The following SAMD5 variants were observed in gnomAD, a reference collection of about 807,000 sequenced individuals.
SAMD5 encodes sterile alpha motif domain-containing protein 5.
SAMD5 carries 13 observed loss-of-function variants against 11.3 expected under a neutral mutation model. The ratio of observed to expected loss-of-function variants is 1.15; its 90% confidence interval spans 0.75 to 1.83. The LOEUF is 1.83. Among genes scored for constraint, SAMD5 ranks in the 40% most tolerant of loss-of-function variants. The probability of loss-of-function intolerance (pLI) is 0.00; values close to 1 mark genes in which losing one functional copy is unlikely to be tolerated. For missense variants in SAMD5, 255 were observed against 239.1 expected, an observed-to-expected ratio of 1.07 and a Z score of -0.44; for synonymous variants, 129 against 111.3, an observed-to-expected ratio of 1.16 and a Z score of -1.00.
intron 1 of SAMD5, among the ~76,000 whole-genome samples, chr6:147,542,325 C>A (rs1425565718): frequency 6.6e-6 from 1 of 152,156 alleles, no homozygotes; most frequent in Non-Finnish European, 1.5e-5. Context: ...CCCGGACAAG[C>A]CCCCAAATTT....
intron 1 of SAMD5, among the ~76,000 whole-genome samples, chr6:147,668,202 T>C (rs768129825): frequency 2.6e-5 from 4 of 152,200 alleles, no homozygotes; most frequent in Non-Finnish European, 4.4e-5. Flanking sequence ...TTGCAAACCT[T>C]CTCCTGTGCA....
chr6:147,813,734 T>A, the SAMD5 span, among the ~76,000 whole-genome samples: 2 of 152,220 alleles, frequency 1.3e-5, no homozygotes, highest in Non-Finnish European at 2.9e-5. Context: ...CTTCTTTTGC[T>A]CTAGCCTGTG....
intron 1 of SAMD5, among the ~76,000 whole-genome samples, chr6:147,639,120 A>G (rs1790274001): frequency 6.6e-6 from 1 of 152,218 alleles, no homozygotes; most frequent in Non-Finnish European, 1.5e-5. Context: ...TTGGCAAATG[A>G]AAGTTATTCA....
chr6:147,865,236 ATG>A, the SAMD5 span, among the ~76,000 whole-genome samples: 1 of 150,538 alleles, frequency 6.6e-6, no homozygotes, highest in Non-Finnish European at 1.5e-5. Flanking sequence ...ACAGACTGTG[ATG>A]TGTGTGTGTG....
the SAMD5 span, among the ~76,000 whole-genome samples, chr6:147,917,883 T>A: frequency 7.2e-4 from 109 of 152,176 alleles, 1 homozygote; most frequent in Non-Finnish European, 1.3e-3. Context: ...TGTGGTATTA[T>A]TTCTGAGGGC....
chr6:147,812,368 T>C, the SAMD5 span, among the ~76,000 whole-genome samples: 2 of 151,918 alleles, frequency 1.3e-5, no homozygotes, highest in Non-Finnish European at 2.9e-5. Context: ...TGTGCTTGTG[T>C]GTGGGTGAAT....
chr6:147,659,906 C>T (rs1341403010), intron 1 of SAMD5, among the ~76,000 whole-genome samples: 1 of 152,068 alleles, frequency 6.6e-6, no homozygotes, highest in Non-Finnish European at 1.5e-5. Flanking sequence ...TGGAAAGAAA[C>T]CAGCTTTGTC....
chr6:147,593,317 A>G (rs781004394), intron 1 of SAMD5, among the ~76,000 whole-genome samples: 2 of 152,160 alleles, frequency 1.3e-5, no homozygotes, highest in African/African-American at 2.4e-5. Flanking sequence ...ATACAAGTAA[A>G]TATCCAAGTA....
At chr6:147,558,462 C>T (rs1377780768) in intron 1 of SAMD5, among the ~76,000 whole-genome samples, 1 of 152,134 alleles carries the variant, frequency 6.6e-6, no homozygotes, top group African/African-American at 2.4e-5. Flanking sequence ...ATTCGGAGAA[C>T]CTGAATCACA....
intron 1 of SAMD5, among the ~76,000 whole-genome samples, chr6:147,629,921 A>G (rs967213164): frequency 2.6e-5 from 4 of 151,074 alleles, no homozygotes; most frequent in Non-Finnish European, 5.9e-5. Context: ...GAGTTTTCGA[A>G]GAGTCACGAC....
intron 1 of SAMD5, among the ~76,000 whole-genome samples, chr6:147,606,556 A>T (rs1789704995): frequency 1.5e-5 from 1 of 66,876 alleles, no homozygotes; most frequent in African/African-American, 4.8e-5. Flanking sequence ...TTATTATCTA[A>T]AAAATGACAG....
chr6:147,782,390 G>C, the SAMD5 span, among the ~76,000 whole-genome samples: 1 of 152,132 alleles, frequency 6.6e-6, no homozygotes, highest in Non-Finnish European at 1.5e-5. Flanking sequence ...GCACACAATG[G>C]CAGCTTGACA....
chr6:147,633,318 G>T (rs1033205527), intron 1 of SAMD5, among the ~76,000 whole-genome samples: 1 of 152,028 alleles, frequency 6.6e-6, no homozygotes, highest in Non-Finnish European at 1.5e-5. Flanking sequence ...AGCGGGCACC[G>T]CCTGCCATGT....
intron 1 of SAMD5, among the ~76,000 whole-genome samples, chr6:147,735,936 C>T (rs1397041577): frequency 6.6e-6 from 1 of 152,196 alleles, no homozygotes. Context: ...TCAGTGCAAC[C>T]TTGAGCATCA....
chr6:147,514,074 C>T (rs1325127154), intron 1 of SAMD5, among the ~76,000 whole-genome samples: 1 of 152,076 alleles, frequency 6.6e-6, no homozygotes, highest in East Asian at 1.9e-4. Context: ...ATGAGAGAAT[C>T]TGGAGTATAT....
intron 1 of SAMD5, among the ~76,000 whole-genome samples, chr6:147,562,081 T>C (rs1445905419): frequency 2.6e-5 from 4 of 152,222 alleles, no homozygotes; most frequent in South Asian, 2.1e-4. Context: ...GCATGAGAGG[T>C]TTTGGAGGCT....
the SAMD5 span, among the ~76,000 whole-genome samples, chr6:147,844,455 G>A: frequency 2.6e-5 from 4 of 152,172 alleles, no homozygotes; most frequent in East Asian, 7.7e-4. Context: ...ACTGAAAATA[G>A]AACTACCTTA....
chr6:147,877,125 T>C, the SAMD5 span, among the ~76,000 whole-genome samples: 3 of 152,142 alleles, frequency 2.0e-5, no homozygotes, highest in African/African-American at 7.2e-5. Flanking sequence ...TCTTACTTTA[T>C]AAGGTTGTTT....
chr6:147,642,751 C>T (rs942882615), intron 1 of SAMD5, among the ~76,000 whole-genome samples: 2 of 152,082 alleles, frequency 1.3e-5, no homozygotes, highest in Admixed American at 6.6e-5. Flanking sequence ...TATAAATAAT[C>T]CCAAACTAAG....
Sources: allele counts gnomAD v4.1 joint callset (sites outside exome capture counted in the v4.1 genomes callset), GRCh38; gene constraint gnomAD v4.1.1; transcripts MANE v1.5; gene names NCBI Gene and HGNC (gene_info 2026-07-23, HGNC 2026-07-21).